Variants in CCDC149 observed in about 807,000 individuals in gnomAD.
The protein encoded by CCDC149 is coiled-coil domain-containing protein 149.
A neutral mutation model predicts 59.9 loss-of-function variants in CCDC149; 45 were observed. The ratio of observed to expected loss-of-function variants is 0.75; its 90% CI spans 0.59 to 0.96. The LOEUF (loss-of-function observed/expected upper bound fraction) is 0.96. CCDC149 is among the 40% of genes least tolerant of loss of function. CCDC149 has a pLI of 0.00. For synonymous variants in CCDC149, 245 were observed against 260.6 expected (o/e 0.94, Z 0.58); for missense variants, 584 against 664.7 (o/e 0.88, Z 1.33).
Position 24,831,489 on chromosome 4 carries a change from A to G in CCDC149, c.965+17T>C. On this transcript the variant is annotated intron_variant, in intron 9 of 12. Transcript: ENST00000635206. Reference sequence around the variant, plus strand: ...TCCTTCGCGCCCACCCCCCAACACAAGAGTTTGGCCACCTACTTGTTGGTT... The same window carrying G: ...TCCTTCGCGCCCACCCCCCAACACAGGAGTTTGGCCACCTACTTGTTGGTT... 1 of 1,613,050 alleles carries G rather than the reference A, an allele frequency of 6.2e-7. No homozygotes were observed. Among genetic ancestry groups the G allele is most frequent in the Middle Eastern group, 1.7e-4 (1 of 5,908 alleles).
intron 1 of CCDC149, among the ~76,000 whole-genome samples, chr4:24,898,736 C>T (rs1461600582): frequency 3.9e-5 from 6 of 152,174 alleles, no homozygotes; most frequent in African/African-American, 1.4e-4. Context: ...TTCCCAAATG[C>T]AATGTACCAC....
At chr4:24,974,214 A>G (rs1724077141) in intron 1 of CCDC149, among the ~76,000 whole-genome samples, 1 of 152,176 alleles carries the variant, frequency 6.6e-6, no homozygotes. Context: ...CCAATCAGCC[A>G]TCTGTGGTTT....
chr4:24,956,936 G>T (rs75804655), intron 1 of CCDC149, among the ~76,000 whole-genome samples: 261 of 152,322 alleles, frequency 1.7e-3, no homozygotes, highest in African/African-American at 5.6e-3. Flanking sequence ...CTAGGCCTAG[G>T]CTACAGTATA....
chr4:24,874,571 G>T (rs1292958887), intron 2 of CCDC149, among the ~76,000 whole-genome samples: 1 of 152,028 alleles, frequency 6.6e-6, no homozygotes, highest in East Asian at 1.9e-4. Context: ...AACAGAGTGA[G>T]ACTCTGTCTC....
chr4:24,878,733 C>T (rs1000238355), intron 1 of CCDC149, among the ~76,000 whole-genome samples: 4 of 152,198 alleles, frequency 2.6e-5, no homozygotes, highest in Admixed American at 6.5e-5. Flanking sequence ...GACAAAAATC[C>T]TCATGCATGA....
At position 24,946,452 on chromosome 4, in the gene CCDC149, T is replaced by C. The variant is rs565440355; in HGVS notation, c.-65+33617A>G. ...CTTATTTACTTTGATTTTTGAATCA[T>C]TCAAACATAACACTTTTCAATTAAA... is the stretch of plus-strand genomic sequence containing the variant. On this transcript the variant is annotated intron_variant, in intron 1 of 12. Transcript: ENST00000389609. Among the ~76,000 whole-genome samples the C allele has an allele frequency of 8.9e-4, 135 of 152,366 alleles. 1 individual carries two copies. The highest frequency in any genetic ancestry group is 3.1e-3 in the African/African-American group (130 of 41,596).
intron 1 of CCDC149, among the ~76,000 whole-genome samples, chr4:24,891,294 A>C (rs1473215403): frequency 1.3e-5 from 2 of 152,184 alleles, no homozygotes; most frequent in Non-Finnish European, 2.9e-5. Flanking sequence ...GGACAAACTA[A>C]ATTGTAAACA....
intron 1 of CCDC149, among the ~76,000 whole-genome samples, chr4:24,979,353 G>T (rs537633885): frequency 3.9e-5 from 6 of 152,312 alleles, no homozygotes; most frequent in Middle Eastern, 3.4e-3. Flanking sequence ...ATGTCTGCAA[G>T]TGATCTTCAG....
At chr4:24,934,586 C>G (rs1273560199) in intron 1 of CCDC149, among the ~76,000 whole-genome samples, 1 of 152,206 alleles carries the variant, frequency 6.6e-6, no homozygotes, top group Admixed American at 6.5e-5. Context: ...ATGGACTCCA[C>G]TTTCTAATGG....
intron 1 of CCDC149, among the ~76,000 whole-genome samples, chr4:24,946,976 A>G (rs1271936576): frequency 6.6e-6 from 1 of 152,156 alleles, no homozygotes. Context: ...GCCACTTTAC[A>G]ATGCTTTCCT....
At chr4:24,931,619 G>A in intron 1 of CCDC149, among the ~76,000 whole-genome samples, 1 of 151,450 alleles carries the variant, frequency 6.6e-6, no homozygotes, top group Non-Finnish European at 1.5e-5. Flanking sequence ...GAATTGGCTA[G>A]AACTAGTCAC....
At chr4:24,901,925 A>G (rs1258738154) in intron 1 of CCDC149, among the ~76,000 whole-genome samples, 1 of 152,122 alleles carries the variant, frequency 6.6e-6, no homozygotes, top group South Asian at 2.1e-4. Flanking sequence ...ATTCCCATCA[A>G]TGCTGTAACC....
At chr4:24,856,706 C>T (rs922985668) in intron 3 of CCDC149, among the ~76,000 whole-genome samples, 2 of 152,250 alleles carry the variant, frequency 1.3e-5, no homozygotes, top group African/African-American at 2.4e-5. Context: ...TCTTGATTTT[C>T]GTTTCCTGGT....
At chr4:24,839,743 A>T (rs1716822049) in intron 4 of CCDC149, among the ~76,000 whole-genome samples, 1 of 152,184 alleles carries the variant, frequency 6.6e-6, no homozygotes, top group Admixed American at 6.5e-5. Flanking sequence ...TCTGCCCATC[A>T]CAACTCCAAG....
At chr4:24,940,533 T>C (rs1446949380) in intron 1 of CCDC149, among the ~76,000 whole-genome samples, 1 of 152,160 alleles carries the variant, frequency 6.6e-6, no homozygotes, top group East Asian at 1.9e-4. Context: ...AGGATCAAAT[T>C]CACACATAAC....
At chr4:24,965,607 T>C (rs751690427) in intron 1 of CCDC149, among the ~76,000 whole-genome samples, 1 of 152,152 alleles carries the variant, frequency 6.6e-6, no homozygotes. Flanking sequence ...AAACAGAACA[T>C]ATAAGAATTT....
chr4:24,947,527 A>G (rs1490120961), intron 1 of CCDC149, among the ~76,000 whole-genome samples: 1 of 151,672 alleles, frequency 6.6e-6, no homozygotes. Context: ...CATGTAGAGA[A>G]CTCCTCCCTC....
At chr4:24,952,186 C>G (rs1474004083) in intron 1 of CCDC149, among the ~76,000 whole-genome samples, 2 of 152,182 alleles carry the variant, frequency 1.3e-5, no homozygotes, top group African/African-American at 4.8e-5. Flanking sequence ...GCAGTGTGTG[C>G]TAACGTGCAC....
chr4:24,843,751 C>T (rs533413891), intron 4 of CCDC149, among the ~76,000 whole-genome samples: 1 of 152,324 alleles, frequency 6.6e-6, no homozygotes, highest in African/African-American at 2.4e-5. Context: ...AGTGTGCTAG[C>T]AGCTTTCCTT....
Sources: allele counts gnomAD v4.1 joint callset (sites outside exome capture counted in the v4.1 genomes callset), GRCh38; gene constraint gnomAD v4.1.1; transcripts MANE v1.5; gene names NCBI Gene and HGNC (gene_info 2026-07-23, HGNC 2026-07-21).